The following ADCY6 variants were observed in gnomAD, a reference collection of about 807,000 sequenced individuals.
ADCY6 encodes the protein adenylate cyclase type 6.
Under a neutral mutation model 111.6 loss-of-function variants are expected in ADCY6, and 59 were observed. The ratio of observed to expected loss-of-function variants is 0.53; its 90% CI spans 0.43 to 0.66. The LOEUF is 0.66. ADCY6 is among the 30% of genes least tolerant of loss of function. ADCY6 has a pLI of 0.00. For missense variants in ADCY6, 1,242 were observed against 1,595.6 expected, an observed-to-expected ratio of 0.78 and a Z score of 3.78; for synonymous variants, 576 against 642.9, an observed-to-expected ratio of 0.90 and a Z score of 1.57.
rs1178796962 is a variant in ADCY6, at chr12:48,768,436, C to T, written c.*155G>A. 2.3e-5 allele frequency: 25 copies of T among 1,089,960 alleles called. No individual in the cohort carries two copies. The highest frequency in any genetic ancestry group is 9.8e-5 in the South Asian group (7 of 71,724). 67.5% of individuals were successfully genotyped at this position (1,089,960 alleles called of 1,614,324 possible). ...CCTTGTTTTCCAGCTTGAGGGCAGA[C>T]GAGCATGATCCAAGCACAGCCTGCT... On this transcript the variant is annotated 3_prime_UTR_variant, in exon 22 of 22. Coordinates refer to ENST00000357869, the MANE Select transcript of ADCY6 (RefSeq NM_015270.5).
At chr12:48,781,434 G>A (rs1007790464) in intron 2 of ADCY6, among the ~76,000 whole-genome samples, 12 of 152,206 alleles carry the variant, frequency 7.9e-5, no homozygotes, top group African/African-American at 2.7e-4. Context: ...TGATGGCGGG[G>A]CTGTGCCTAC....
intron 1 of ADCY6, among the ~76,000 whole-genome samples, chr12:48,786,678 C>T (rs1941984750): frequency 6.6e-6 from 1 of 152,170 alleles, no homozygotes; most frequent in African/African-American, 2.4e-5. Context: ...AACCTCTTAA[C>T]ATCACCAACA....
In ADCY6 at chr12:48,782,927, G is replaced by C; in HGVS notation, c.508C>G (p.His170Asp). ...VLLTAVLLAF[H>D]AAPARPQPAY... ...GGCTGAGGGCGGGCGGGTGCGGCGT[G>C]GAAAGCCAGCAGCACCGCTGTGAGC... The change falls in exon 2 of 22, where the codon CAC (histidine) becomes GAC (aspartate). Residue 170 changes from histidine to aspartate, a missense_variant. Physicochemically the swap from His to Asp is moderately conservative, Grantham distance 81 (BLOSUM62 -1). Coordinates refer to ENST00000357869, the MANE Select transcript of ADCY6 (RefSeq NM_015270.5). This position sits in a 1 kb window ranked among gnomAD's most constrained non-coding sequence, Gnocchi z 4.3. 1 of 1,613,466 alleles carries C rather than the reference G, an allele frequency of 6.2e-7. No homozygotes were observed. The highest frequency in any genetic ancestry group is 2.2e-5 in the East Asian group (1 of 44,880).
At chr12:48,787,771 C>T (rs906288890) in intron 1 of ADCY6, among the ~76,000 whole-genome samples, 2 of 152,182 alleles carry the variant, frequency 1.3e-5, no homozygotes, top group African/African-American at 4.8e-5. Context: ...TTCATACCAC[C>T]GGCTCCCACA....
rs762431483 is a variant in ADCY6 at position 48,782,309 on chromosome 12, G to T, written c.864+262C>A. Among the ~76,000 whole-genome samples, 3 of 152,084 alleles carry T rather than the reference G, an allele frequency of 2.0e-5. No individual in the cohort carries two copies. ...AGCGGGCTAAAGAGCCGGAGACTGG[G>T]GCCCATGGTGACAGAGTTCAGGCTT... On this transcript the variant is annotated intron_variant, in intron 2 of 21. Transcript: ENST00000357869. This position sits in a 1 kb window ranked among gnomAD's most constrained non-coding sequence, Gnocchi z 4.3.
chr12:48,781,404 G>A (rs982039668), intron 2 of ADCY6, among the ~76,000 whole-genome samples: 5 of 152,312 alleles, frequency 3.3e-5, no homozygotes, highest in African/African-American at 1.2e-4. Flanking sequence ...AGGGTCCAGT[G>A]GAGGACCCAG....
In ADCY6 at chr12:48,776,039, A is replaced by G. The variant is rs765906307; in HGVS notation, c.1730T>C (p.Met577Thr). The stretch of plus-strand genomic sequence containing the variant: ...AACCCAGCGCGGCATCAGCCCTTCC[A>G]TGGAGTTGGCCCGAGTCCGCTGCAG... ...AKLQRTRANSMEGLMPRWVPD... is the reference protein window; with the variant it reads ...AKLQRTRANSTEGLMPRWVPD... Residue 577 changes from methionine to threonine, a missense_variant, in exon 9 of 22, where the codon ATG becomes ACG. By Grantham distance (81) the Met-to-Thr change is moderately conservative. Transcript: ENST00000357869. The surrounding 1 kb of genome is among the most constrained non-coding windows in gnomAD (Gnocchi z 6.1). The G allele has an allele frequency of 2.5e-6, 4 of 1,613,456 alleles. No individual in the cohort carries two copies. Among genetic ancestry groups the G allele is most frequent in the South Asian group, 2.2e-5 (2 of 90,914 alleles).
At chr12:48,773,166 C>T (rs1442040919) in intron 16 of ADCY6, among the ~76,000 whole-genome samples, 1 of 152,122 alleles carries the variant, frequency 6.6e-6, no homozygotes, top group African/African-American at 2.4e-5. Flanking sequence ...AGCCCTGCCA[C>T]CAAGCAGCTG....
Position 48,777,755 on chromosome 12 carries a change from T to G in ADCY6, c.1015-19A>C. ...GCCGCTCCTAGCCCAGTGGTTCCAA[T>G]AGGGCATCACTATACTCTTGGTCTC... On this transcript the variant is annotated intron_variant, in intron 3 of 21. Transcript: ENST00000357869. The surrounding 1 kb of genome is among the most constrained non-coding windows in gnomAD (Gnocchi z 4.9). 1 of 1,613,592 alleles carries G rather than the reference T, an allele frequency of 6.2e-7. No individual in the cohort carries two copies.
rs775241937 is a variant in ADCY6 at position 48,771,675 on chromosome 12, C to T, written c.3051+35G>A. 13 of 1,612,642 alleles carry T rather than the reference C, an allele frequency of 8.1e-6. No homozygotes were observed. Among genetic ancestry groups the T allele is most frequent in the East Asian group, 2.2e-5 (1 of 44,898 alleles). ...CAATCCCTGGTCTCCAAGTACCCCC[C>T]ACTCTCTGCCACCACCAGCCAACTG... is the stretch of plus-strand genomic sequence containing the variant. On this transcript the variant is annotated intron_variant, in intron 19 of 21. Transcript: ENST00000357869. This position sits in a 1 kb window ranked among gnomAD's most constrained non-coding sequence, Gnocchi z 4.3.
At chr12:48,770,056 C>T (rs1022860773) in intron 20 of ADCY6, among the ~76,000 whole-genome samples, 6 of 149,590 alleles carry the variant, frequency 4.0e-5, no homozygotes, top group African/African-American at 1.5e-4. Context: ...CCACTGCGCC[C>T]GGCCTAATTT....
chr12:48,772,499 C>T lies in ADCY6; in HGVS notation c.2657+9G>A, dbSNP rs1941577808. 20 of 1,614,232 alleles carry T rather than the reference C, an allele frequency of 1.2e-5. No individual in the cohort carries two copies. Among genetic ancestry groups the T allele is most frequent in the Non-Finnish European group, 1.4e-5 (16 of 1,180,048 alleles). On this transcript the variant is annotated intron_variant, in intron 17 of 21. Transcript: ENST00000357869. ...CTCTACCCTTTGCTGCCTCGGAGCC[C>T]TCACTTACCAGTCCAGCCCATCAAA...
chr12:48,770,319 C>A (rs895441405), intron 20 of ADCY6, among the ~76,000 whole-genome samples: 13 of 152,112 alleles, frequency 8.5e-5, no homozygotes, highest in African/African-American at 3.1e-4. Flanking sequence ...GTAAATGGAG[C>A]AGCCAGAATT....
rs1344313979 is a variant in ADCY6 at position 48,775,330 on chromosome 12, G to A, written c.1953C>T (p.Thr651=). The change falls in exon 11 of 22, where the codon ACC becomes ACT. Residue 651 remains threonine (T), a synonymous_variant. Coordinates refer to ENST00000357869, the MANE Select transcript of ADCY6 (RefSeq NM_015270.5). ...TCTTCTCAAGATCCTCTCTCTGGAA[G>A]GTGAGCAGAAACCGGCGCACATGGT... The part of the protein sequence containing the change: ...RKDHVRRFLL[T]FQREDLEKKY... 3 of 1,614,082 alleles carry A rather than the reference G, an allele frequency of 1.9e-6. No homozygotes were observed. The highest frequency in any genetic ancestry group is 2.2e-5 in the South Asian group (2 of 91,070).
At chr12:48,774,880 G>GCA (rs2137353987) in intron 12 of ADCY6, 77 bp downstream of exon 12, 3 of 1,516,566 alleles carry the variant, frequency 2.0e-6, no homozygotes, top group Admixed American at 2.0e-5. Flanking sequence ...CAGGGATTGT[G>GCA]GGCTTGTGTG....
Position 48,776,414 on chromosome 12 carries a change from AC to A in ADCY6, c.1535+13del, listed in dbSNP as rs746175121. ...CCTTGCCCCCATCCCCCCCACCTGG[AC>A]CCCCCTACTCACCCAGCCCGGCCTC... On this transcript the variant is annotated intron_variant, in intron 7 of 21. Transcript: ENST00000357869. This position sits in a 1 kb window ranked among gnomAD's most constrained non-coding sequence, Gnocchi z 6.1. 3.7e-6 allele frequency: 2 copies of A among 543,534 alleles called. No homozygotes were observed. The highest frequency in any genetic ancestry group is 2.8e-5 in the South Asian group (2 of 70,484). 33.7% of individuals were successfully genotyped at this position (543,534 alleles called of 1,614,324 possible).
Position 48,782,825 on chromosome 12 carries a change from G to A in ADCY6, c.610C>T (p.Arg204Cys), listed in dbSNP as rs777424589. 13 of 1,614,064 alleles carry A rather than the reference G, an allele frequency of 8.1e-6. No individual in the cohort carries two copies. The highest frequency in any genetic ancestry group is 2.2e-5 in the East Asian group (1 of 44,884). ...LMVVCNRHSFRQDSMWVVSYV... is the reference protein window; with the variant it reads ...LMVVCNRHSFCQDSMWVVSYV... ...CTCACCACCCACATGGAGTCCTGGC[G>A]GAAGCTATGCCGGTTACACACCACC... Residue 204 changes from arginine to cysteine, a missense_variant, in exon 2 of 22, where the codon CGC (arginine) becomes TGC (cysteine). Coordinates refer to ENST00000357869, the MANE Select transcript of ADCY6 (RefSeq NM_015270.5). This position sits in a 1 kb window ranked among gnomAD's most constrained non-coding sequence, Gnocchi z 4.3.
chr12:48,768,189 A>G lies in ADCY6; in HGVS notation c.*402T>C, dbSNP rs1365821845. On this transcript the variant is annotated 3_prime_UTR_variant, in exon 22 of 22. Transcript: ENST00000357869. ...AAATATTGTACAAAATATTCCCAGG[A>G]AAAAAGAGGGAAAAGAAGGGCTCAG... is the stretch of plus-strand genomic sequence containing the variant. The G allele has an allele frequency of 1.1e-5, 3 of 274,304 alleles. No homozygotes were observed. Among genetic ancestry groups the G allele is most frequent in the South Asian group, 4.2e-5 (1 of 23,792 alleles). 17.0% of individuals were successfully genotyped at this position (274,304 alleles called of 1,614,324 possible).
Position 48,774,938 on chromosome 12 carries a change from G to A in ADCY6, c.2078+19C>T, listed in dbSNP as rs1207777602. The A allele has an allele frequency of 6.5e-7, 1 of 1,549,478 alleles. No individual in the cohort carries two copies. Among genetic ancestry groups the A allele is most frequent in the South Asian group, 1.2e-5 (1 of 84,060 alleles). The stretch of plus-strand genomic sequence containing the variant: ...AGTGGTGAAGAGAGAAGCTAAGAGA[G>A]GAAAGGCAGGGCTCTCACTGTGGGA... On this transcript the variant is annotated intron_variant, in intron 12 of 21. Transcript: ENST00000357869.
Sources: gnomAD v4.1 joint callset for allele counts (sites outside exome capture counted in the v4.1 genomes callset) on GRCh38, gnomAD v4.1.1 for gene constraint, Gnocchi (gnomAD v3.1) non-coding constraint, MANE v1.5 for transcripts, NCBI Gene and HGNC (gene_info 2026-07-23, HGNC 2026-07-21) for gene names.